Variants in TTF2 observed in about 807,000 individuals in gnomAD.
TTF2 encodes the protein RNA polymerase II termination factor.
A neutral mutation model predicts 142.4 loss-of-function variants in TTF2; 108 were observed. That is an observed-to-expected ratio of 0.76 (90% CI 0.65 to 0.89). TTF2 has a LOEUF of 0.89. Ranked by LOEUF, TTF2 falls within the 40% of genes least tolerant of loss-of-function variation. The pLI is 0.00. For synonymous variants in TTF2, 483 were observed against 506.2 expected (o/e 0.95, Z 0.61); for missense variants, 1,327 against 1,379.8 (o/e 0.96, Z 0.61).
At chr1:117,081,535 T>C (rs1466884150) in intron 9 of TTF2, among the ~76,000 whole-genome samples, 3 of 152,192 alleles carry the variant, frequency 2.0e-5, no homozygotes, top group African/African-American at 7.2e-5. Flanking sequence ...AGTCAGCACA[T>C]TGTGCGGGTA....
intron 3 of TTF2, among the ~76,000 whole-genome samples, chr1:117,066,695 C>CTCTTTTT (rs1656161860): frequency 1.7e-5 from 2 of 115,050 alleles, no homozygotes; most frequent in African/African-American, 6.3e-5. Context: ...CTAATCATGT[C>CTCTTTTT]TTTTTTTTTT....
intron 7 of TTF2, 109 bp from the exon 8 acceptor site, chr1:117,077,807 A>C: frequency 6.9e-7 from 1 of 1,441,026 alleles, no homozygotes; most frequent in East Asian, 2.3e-5. Flanking sequence ...AGAGTAGTTA[A>C]CAAGGAGGGT....
In TTF2 at chr1:117,099,226, A is replaced by G. The variant is rs752786949; in HGVS notation, c.3344+319A>G. On this transcript the variant is annotated intron_variant, in intron 22 of 22. Coordinates refer to ENST00000369466, the MANE Select transcript of TTF2 (RefSeq NM_003594.4). The surrounding 1 kb of genome is among the most constrained non-coding windows in gnomAD (Gnocchi z 4.3). ...TCAGACATACAGAAAACGTACAAGA[A>G]TAGTACCAAAAAGTTCCCATATATT... Among the ~76,000 whole-genome samples the G allele has an allele frequency of 2.6e-5, 4 of 152,176 alleles. No homozygotes were observed. The highest frequency in any genetic ancestry group is 5.9e-5 in the Non-Finnish European group (4 of 68,038).
chr1:117,095,037 CA>C (rs1490170837), intron 18 of TTF2, among the ~76,000 whole-genome samples: 1 of 152,180 alleles, frequency 6.6e-6, no homozygotes, highest in Non-Finnish European at 1.5e-5. Flanking sequence ...CCCAGAGAAG[CA>C]GAGGCTGGAG....
chr1:117,084,213 C>T (rs1363830791), intron 11 of TTF2, 45 bp downstream of exon 11: 6 of 1,608,850 alleles, frequency 3.7e-6, no homozygotes, highest in Non-Finnish European at 5.1e-6. Flanking sequence ...AGCACCTCTG[C>T]CCAAGGGCCC....
At position 117,101,229 on chromosome 1, in the gene TTF2, A is replaced by T; in HGVS notation, c.3345-151A>T. On this transcript the variant is annotated intron_variant, in intron 22 of 22. Transcript: ENST00000369466. This position sits in a 1 kb window ranked among gnomAD's most constrained non-coding sequence, Gnocchi z 5.9. ...TATATATCTAGTCAAGGTTGTTTGG[A>T]TTCCTCAGACAGGGTTCTTAACTGG... 1 of 708,460 alleles carries T rather than the reference A, an allele frequency of 1.4e-6. No individual in the cohort carries two copies. 43.9% of individuals were successfully genotyped at this position (708,460 alleles called of 1,614,324 possible). A position where few individuals can be genotyped will look rare whatever the true frequency, so the allele number is the denominator to read the frequency against.
chr1:117,076,697 A>G lies in TTF2; in HGVS notation c.1447A>G (p.Thr483Ala). The G allele has an allele frequency of 6.2e-7, 1 of 1,614,050 alleles. No individual in the cohort carries two copies. The highest frequency in any genetic ancestry group is 1.7e-4 in the Middle Eastern group (1 of 6,058). ...VPQQSHFTKT[T>A]TGPPHLVPPQ... ...ACAGCAGAGTCACTTCACCAAAACT[A>G]CCACTGGCCCTCCCCACCTGGTGCC... The change falls in exon 7 of 23, where the codon ACC becomes GCC. Residue 483 changes from threonine to alanine, a missense_variant. Physicochemically the swap from Thr to Ala is moderately conservative, Grantham distance 58. Coordinates refer to ENST00000369466, the MANE Select transcript of TTF2 (RefSeq NM_003594.4). This position sits in a 1 kb window ranked among gnomAD's most constrained non-coding sequence, Gnocchi z 4.6.
At chr1:117,067,650 T>G (rs1223421723) in intron 3 of TTF2, among the ~76,000 whole-genome samples, 1 of 151,434 alleles carries the variant, frequency 6.6e-6, no homozygotes, top group Non-Finnish European at 1.5e-5. Context: ...TAGCATAGAC[T>G]GGGAATTTAA....
rs1354878352 is a variant in TTF2, at chr1:117,076,737, C to T, written c.1487C>T (p.Pro496Leu). 2 of 1,614,092 alleles carry T rather than the reference C, an allele frequency of 1.2e-6. No homozygotes were observed. The highest frequency in any genetic ancestry group is 1.3e-5 in the African/African-American group (1 of 74,924). ...PPHLVPPQPL[P>L]RRGTQPVGSL... ...CACCTGGTGCCTCCCCAACCCCTTC[C>T]TCGTCGTGGTACCCAACCTGTGGGT... The change falls in exon 7 of 23, where the codon CCT becomes CTT. Residue 496 changes from proline (P) to leucine (L), a missense_variant. By Grantham distance (98) the Pro-to-Leu change is moderately conservative (BLOSUM62 -3). Transcript: ENST00000369466. This position sits in a 1 kb window ranked among gnomAD's most constrained non-coding sequence, Gnocchi z 4.6.
In TTF2 at chr1:117,076,063, C is replaced by A; in HGVS notation, c.1276-117C>A. ...AATTTAAAAAAGGTTCTGGTTTTTGCACACATATTTAAAAGACCATAATTT... is the reference window on the plus strand; with the variant it reads ...AATTTAAAAAAGGTTCTGGTTTTTGAACACATATTTAAAAGACCATAATTT... On this transcript the variant is annotated intron_variant, in intron 5 of 22. Transcript: ENST00000369466. This position sits in a 1 kb window ranked among gnomAD's most constrained non-coding sequence, Gnocchi z 4.6. 1 of 1,293,108 alleles carries A rather than the reference C, an allele frequency of 7.7e-7. No individual in the cohort carries two copies. The highest frequency in any genetic ancestry group is 1.1e-6 in the Non-Finnish European group (1 of 950,022). 80.1% of individuals were successfully genotyped at this position (1,293,108 alleles called of 1,614,324 possible).
In TTF2 at chr1:117,101,440, T is replaced by C; in HGVS notation, c.3405T>C (p.Asp1135=). The change falls in exon 23 of 23, where the codon GAT becomes GAC. Residue 1135 remains aspartate, a synonymous_variant. Coordinates refer to ENST00000369466, the MANE Select transcript of TTF2 (RefSeq NM_003594.4). The surrounding 1 kb of genome is among the most constrained non-coding windows in gnomAD (Gnocchi z 5.9). ...TACAGCTCCAAGAAAAAAAGAAAGA[T>C]TTGGCCAAACAAGTTCTATCAGGGT... The part of the protein sequence containing the change: ...KILQLQEKKK[D]LAKQVLSGSG... 1 of 1,611,188 alleles carries C rather than the reference T, an allele frequency of 6.2e-7. No individual in the cohort carries two copies. The highest frequency in any genetic ancestry group is 1.3e-5 in the African/African-American group (1 of 74,834).
intron 3 of TTF2, among the ~76,000 whole-genome samples, chr1:117,068,722 G>C (rs1427998214): frequency 6.6e-6 from 1 of 152,150 alleles, no homozygotes; most frequent in African/African-American, 2.4e-5. Context: ...TAGTGAGCAG[G>C]ATGGTGATAG....
At position 117,093,814 on chromosome 1, in the gene TTF2, A is replaced by G. The variant is rs1648828526; in HGVS notation, c.2976+913A>G. ...CCTTGTTTAATTAAATGCAGGTAATATTTATTCACAAGTTTTCTTAACATA... is the reference window on the plus strand; with the variant it reads ...CCTTGTTTAATTAAATGCAGGTAATGTTTATTCACAAGTTTTCTTAACATA... On this transcript the variant is annotated intron_variant, in intron 18 of 22. Transcript: ENST00000369466. This position sits in a 1 kb window ranked among gnomAD's most constrained non-coding sequence, Gnocchi z 4.5. Among the ~76,000 whole-genome samples, 1 of 152,204 alleles carries G rather than the reference A, an allele frequency of 6.6e-6. No homozygotes were observed. Among genetic ancestry groups the G allele is most frequent in the Non-Finnish European group, 1.5e-5 (1 of 68,044 alleles).
In TTF2 at chr1:117,077,941, T is replaced by C. The variant is rs752229978; in HGVS notation, c.1599T>C (p.His533=). ...YRGHTNQDHV[H]AVWKITSEAI... ...GCCATACAAACCAAGATCACGTTCA[T>C]GCAGTGTGGAAAATCACAAGTGAAG... The change falls in exon 8 of 23, where the codon CAT becomes CAC. Residue 533 remains histidine (H), a synonymous_variant. Transcript: ENST00000369466. 1 of 1,614,126 alleles carries C rather than the reference T, an allele frequency of 6.2e-7. No individual in the cohort carries two copies. Among genetic ancestry groups the C allele is most frequent in the Non-Finnish European group, 8.5e-7 (1 of 1,180,044 alleles).
In TTF2 at chr1:117,090,166, G is replaced by A; in HGVS notation, c.2454G>A (p.Leu818=). The change falls in exon 14 of 23, where the codon CTG becomes CTA. Residue 818 remains leucine, a synonymous_variant. Transcript: ENST00000369466. This position sits in a 1 kb window ranked among gnomAD's most constrained non-coding sequence, Gnocchi z 4.8. The stretch of plus-strand genomic sequence containing the variant: ...GTATTTTAACCAAGAGCCTTTTGCT[G>A]AGGAGAACAAAAGACCAGCTGGACT... ...RLSILTKSLL[L]RRTKDQLDST... 1 of 1,614,154 alleles carries A rather than the reference G, an allele frequency of 6.2e-7. No homozygotes were observed. The highest frequency in any genetic ancestry group is 1.1e-5 in the South Asian group (1 of 91,082).
chr1:117,090,718 G>A lies in TTF2; in HGVS notation c.2588+95G>A. 2 of 1,039,332 alleles carry A rather than the reference G, an allele frequency of 1.9e-6. No individual in the cohort carries two copies. Among genetic ancestry groups the A allele is most frequent in the Non-Finnish European group, 2.9e-6 (2 of 698,894 alleles). 64.4% of individuals were successfully genotyped at this position (1,039,332 alleles called of 1,614,324 possible). A position where few individuals can be genotyped will look rare whatever the true frequency, so the allele number is the denominator to read the frequency against. On this transcript the variant is annotated intron_variant, in intron 15 of 22. Coordinates refer to ENST00000369466, the MANE Select transcript of TTF2 (RefSeq NM_003594.4). This position sits in a 1 kb window ranked among gnomAD's most constrained non-coding sequence, Gnocchi z 4.8. ...AAGGTCAAATTTCCACAAACTTTAT[G>A]GCATTATTGATTAGTTGGATGTCTG...
intron 2 of TTF2, among the ~76,000 whole-genome samples, chr1:117,060,788 T>C (rs1276922920): frequency 2.0e-5 from 3 of 152,224 alleles, no homozygotes; most frequent in Admixed American, 1.3e-4. Flanking sequence ...TCTGGGCCGA[T>C]GGTTCCCCTA....
At chr1:117,083,441 A>G (rs1171916966) in intron 10 of TTF2, among the ~76,000 whole-genome samples, 1 of 152,176 alleles carries the variant, frequency 6.6e-6, no homozygotes, top group African/African-American at 2.4e-5. Context: ...TTATTTTTTA[A>G]AAAAGGTTTC....
Position 117,104,498 on chromosome 1 carries a change from G to A in TTF2, c.*2974G>A, listed in dbSNP as rs368605279. ...GTAACTTAAAATCTTCAGATATTGA[G>A]GCCATTGACAAGTAATCTACTGTAA... On this transcript the variant is annotated 3_prime_UTR_variant, in exon 23 of 23. Coordinates refer to ENST00000369466, the MANE Select transcript of TTF2 (RefSeq NM_003594.4). 5.9e-5 allele frequency: 9 copies of A among 152,284 alleles called. No homozygotes were observed. Among genetic ancestry groups the A allele is most frequent in the Non-Finnish European group, 1.3e-4 (9 of 68,024 alleles). The allele number at this position is 152,284 out of a possible 1,614,324, so 9.4% of individuals were successfully genotyped here.
Sources: allele counts gnomAD v4.1 joint callset (sites outside exome capture counted in the v4.1 genomes callset), GRCh38; gene constraint gnomAD v4.1.1; non-coding constraint Gnocchi (gnomAD v3.1); transcripts MANE v1.5; gene names NCBI Gene and HGNC (gene_info 2026-07-23, HGNC 2026-07-21).